Variants in C14orf39 observed in about 807,000 individuals in gnomAD.
The protein encoded by C14orf39 is chromosome 14 open reading frame 39.
In C14orf39, 66 loss-of-function variants were observed where a neutral mutation model predicts 85.6. That is an observed-to-expected ratio of 0.77 (90% CI 0.63 to 0.95). The LOEUF (loss-of-function observed/expected upper bound fraction) is 0.95, where lower values mean the gene tolerates loss of function less well. Ranked by LOEUF, C14orf39 falls within the 40% of genes least tolerant of loss-of-function variation. The pLI is 0.00. For missense variants in C14orf39, 735 were observed against 663.9 expected, an observed-to-expected ratio of 1.11 and a Z score of -1.18; for synonymous variants, 242 against 214.0, an observed-to-expected ratio of 1.13 and a Z score of -1.14.
upstream of C14orf39, among the ~76,000 whole-genome samples, chr14:60,490,622 T>C (rs951981106): frequency 6.6e-6 from 1 of 151,914 alleles, no homozygotes; most frequent in Non-Finnish European, 1.5e-5. Flanking sequence ...AGATCCTGCC[T>C]CTAAAAAATA....
At chr14:60,472,164 T>G (rs1892117607) in intron 5 of C14orf39, among the ~76,000 whole-genome samples, 1 of 152,074 alleles carries the variant, frequency 6.6e-6, no homozygotes, top group South Asian at 2.1e-4. Flanking sequence ...CAGCTACTTC[T>G]AAAACCATAT....
chr14:60,471,804 C>A, intron 5 of C14orf39, 65 bp from the exon 6 acceptor site: 1 of 895,626 alleles, frequency 1.1e-6, no homozygotes, highest in Non-Finnish European at 1.7e-6. Flanking sequence ...TGTGAATACA[C>A]TGTTAAAGTC....
chr14:60,499,421 C>T (rs1322808588), exon 2 of C14orf39: 2 of 152,008 alleles, frequency 1.3e-5, no homozygotes, highest in Admixed American at 6.6e-5. Context: ...ATACAGGTGG[C>T]GTTTCAAATC....
At chr14:60,510,075 G>A in intron 1 of C14orf39, 1 of 1,026,814 alleles carries the variant, frequency 9.7e-7, no homozygotes, top group Non-Finnish European at 1.5e-6. Context: ...TTCAGCAGGA[G>A]TTGGGAGCGC....
intron 1 of C14orf39, among the ~76,000 whole-genome samples, chr14:60,503,417 T>C (rs1372833070): frequency 6.6e-6 from 1 of 152,180 alleles, no homozygotes; most frequent in African/African-American, 2.4e-5. Flanking sequence ...TTAACCACTA[T>C]TTGTGTGTGA....
intron 1 of C14orf39, chr14:60,511,452 G>A: frequency 1.5e-6 from 1 of 660,104 alleles, no homozygotes; most frequent in Non-Finnish European, 2.7e-6. Flanking sequence ...CCGCGACCAC[G>A]GGAACCAGCG....
At chr14:60,508,913 T>C in intron 1 of C14orf39, 1 of 176,244 alleles carries the variant, frequency 5.7e-6, no homozygotes, top group Non-Finnish European at 1.2e-5. Context: ...GAGGGAGGAG[T>C]AGTGAACGCT....
rs10149021 is a variant in C14orf39 at position 60,458,769 on chromosome 14, C to T, written c.1118-30G>A. ...TGTCATATGAGAACAAACTATTTTT[C>T]TTTTTGTAATTTTATTGTAAAATAA... On this transcript the variant is annotated intron_variant, in intron 13 of 17. Transcript: ENST00000321731. 1.3e-3 allele frequency: 1,983 copies of T among 1,533,648 alleles called. 16 individuals carry two copies. In the African/African-American group the frequency reaches 0.02, roughly 16 times the overall value.
In C14orf39 at chr14:60,468,439, C is replaced by T. The variant is rs1891902398; in HGVS notation, c.767+6G>A. On this transcript the variant is annotated splice_donor_region_variant and intron_variant, in intron 9 of 17. Coordinates refer to ENST00000321731, the MANE Select transcript of C14orf39 (RefSeq NM_174978.3). ...CATAAAATTTAATTTTAAAGGTTAC[C>T]TATACCTTTCTTTCAGTTCTTTTCT... 1 of 1,527,226 alleles carries T rather than the reference C, an allele frequency of 6.5e-7. No homozygotes were observed. Among genetic ancestry groups the T allele is most frequent in the Non-Finnish European group, 8.9e-7 (1 of 1,118,624 alleles). The allele number at this position is 1,527,226 out of a possible 1,614,324, so 94.6% of individuals were successfully genotyped here. A position where few individuals can be genotyped will look rare whatever the true frequency, so the allele number is the denominator to read the frequency against.
At chr14:60,481,048 G>A (rs772702186) in intron 4 of C14orf39, among the ~76,000 whole-genome samples, 15 of 152,058 alleles carry the variant, frequency 9.9e-5, no homozygotes, top group Admixed American at 1.3e-4. Context: ...CTACTGCACC[G>A]TATAGTGACT....
At chr14:60,512,093 G>T (rs1308735773) in intron 1 of C14orf39, 1 of 152,150 alleles carries the variant, frequency 6.6e-6, no homozygotes, top group East Asian at 1.9e-4. Context: ...TTTAAGGCTA[G>T]AAATTGGCAA....
chr14:60,467,689 C>T (rs1891862237), intron 9 of C14orf39, among the ~76,000 whole-genome samples: 1 of 151,688 alleles, frequency 6.6e-6, no homozygotes, highest in Non-Finnish European at 1.5e-5. Flanking sequence ...TAAAGACACA[C>T]TTGCACTGAA....
intron 12 of C14orf39, 36 bp downstream of exon 12, chr14:60,461,472 C>A: frequency 6.4e-7 from 1 of 1,569,192 alleles, no homozygotes; most frequent in Non-Finnish European, 8.7e-7. Flanking sequence ...TAAATTATTT[C>A]AGAGATTAAA....
chr14:60,467,046 TA>T lies in C14orf39; in HGVS notation c.768-3del. 1 of 1,314,714 alleles carries T rather than the reference TA, an allele frequency of 7.6e-7. No homozygotes were observed. The highest frequency in any genetic ancestry group is 1.0e-6 in the Non-Finnish European group (1 of 996,080). The allele number at this position is 1,314,714 out of a possible 1,614,324, so 81.4% of individuals were successfully genotyped here. Reference sequence around the variant, plus strand: ...ACATGCTCATCTTTTCCAAAAATTCTAAAGAGAAAGGTGAATTACATTAAAT... The same window carrying T: ...ACATGCTCATCTTTTCCAAAAATTCTAAGAGAAAGGTGAATTACATTAAAT... On this transcript the variant is annotated splice_polypyrimidine_tract_variant and splice_region_variant and intron_variant, in intron 9 of 17. Transcript: ENST00000321731.
chr14:60,479,528 CT>C (rs1013962164), intron 4 of C14orf39, among the ~76,000 whole-genome samples: 4 of 152,044 alleles, frequency 2.6e-5, no homozygotes, highest in African/African-American at 9.7e-5. Context: ...ACAAGTGCCC[CT>C]GAATCTAAAA....
chr14:60,449,292 A>G (rs1377176892), intron 16 of C14orf39, among the ~76,000 whole-genome samples: 1 of 152,206 alleles, frequency 6.6e-6, no homozygotes, highest in Non-Finnish European at 1.5e-5. Flanking sequence ...AAGATTTGGT[A>G]AATATTCACC....
At chr14:60,481,275 TGACA>T (rs1892627033) in intron 4 of C14orf39, among the ~76,000 whole-genome samples, 1 of 152,190 alleles carries the variant, frequency 6.6e-6, no homozygotes, top group Non-Finnish European at 1.5e-5. Context: ...AAAAAAAGAC[TGACA>T]TAAACATTTG....
chr14:60,451,876 T>A (rs1891052308), intron 16 of C14orf39, among the ~76,000 whole-genome samples: 1 of 151,712 alleles, frequency 6.6e-6, no homozygotes, highest in Non-Finnish European at 1.5e-5. Flanking sequence ...TAAAATAAAA[T>A]AATGGGTTAA....
intron 1 of C14orf39, among the ~76,000 whole-genome samples, chr14:60,510,356 A>G (rs1295080466): frequency 1.3e-5 from 2 of 152,222 alleles, no homozygotes; most frequent in East Asian, 3.8e-4. Flanking sequence ...CTTATTAGCA[A>G]TGTGTCGGTT....
Sources: allele counts gnomAD v4.1 joint callset (sites outside exome capture counted in the v4.1 genomes callset), GRCh38; gene constraint gnomAD v4.1.1; transcripts MANE v1.5; gene names NCBI Gene and HGNC (gene_info 2026-07-23, HGNC 2026-07-21).